CPLANE1: variants seen among roughly 807,000 people sequenced by gnomAD.
CPLANE1 encodes the protein ciliogenesis and planar polarity effector 1.
Under a neutral mutation model 362.5 loss-of-function variants are expected in CPLANE1, and 263 were observed. The observed-to-expected ratio is 0.73, with a 90% CI of 0.66 to 0.80. CPLANE1 has a LOEUF of 0.80. Among genes scored for constraint, CPLANE1 ranks in the 30% least tolerant of loss-of-function variants. The pLI is 0.00. For missense variants in CPLANE1, 3,461 were observed against 3,793.4 expected, an observed-to-expected ratio of 0.91 and a Z score of 2.30; for synonymous variants, 1,212 against 1,302.6, an observed-to-expected ratio of 0.93 and a Z score of 1.50.
rs186479408 is a variant in CPLANE1, at chr5:37,194,207, C to A, written c.3811+1651G>T. ...AAAGTGCTGGGATTACAGGCATGAGCCACCACGCCCAGCCAGAAAGGAAAC... is the reference window on the plus strand; with the variant it reads ...AAAGTGCTGGGATTACAGGCATGAGACACCACGCCCAGCCAGAAAGGAAAC... On this transcript the variant is annotated intron_variant, in intron 21 of 52. Coordinates refer to ENST00000651892, the MANE Select transcript of CPLANE1 (RefSeq NM_001384732.1). Among the ~76,000 whole-genome samples the A allele has an allele frequency of 4.6e-3, 697 of 152,266 alleles. 4 individuals are homozygous for A. The highest frequency in any genetic ancestry group is 4.9e-3 in the Non-Finnish European group (336 of 68,020).
intron 19 of CPLANE1, among the ~76,000 whole-genome samples, chr5:37,200,460 G>A (rs1353942923): frequency 3.3e-5 from 5 of 152,164 alleles, no homozygotes; most frequent in Non-Finnish European, 1.5e-5. Flanking sequence ...AAATGCCATG[G>A]ACTTTTTATT....
At chr5:37,207,685 C>T (rs972880048) in intron 16 of CPLANE1, among the ~76,000 whole-genome samples, 1 of 152,136 alleles carries the variant, frequency 6.6e-6, no homozygotes, top group Non-Finnish European at 1.5e-5. Context: ...TATTTGCTGA[C>T]CACTTGTTGC....
At chr5:37,084,465 G>A in the CPLANE1 span, among the ~76,000 whole-genome samples, 1 of 152,130 alleles carries the variant, frequency 6.6e-6, no homozygotes, top group African/African-American at 2.4e-5. Flanking sequence ...GAATGTAAAT[G>A]GCCTAAATGC....
At chr5:37,100,318 T>C in the CPLANE1 span, among the ~76,000 whole-genome samples, 1 of 152,248 alleles carries the variant, frequency 6.6e-6, no homozygotes, top group Non-Finnish European at 1.5e-5. Flanking sequence ...GTTTCAACTT[T>C]CTGCATATGA....
At chr5:37,235,573 T>C (rs1461777009) in intron 8 of CPLANE1, among the ~76,000 whole-genome samples, 6 of 141,964 alleles carry the variant, frequency 4.2e-5, no homozygotes, top group Non-Finnish European at 9.2e-5. Context: ...ATTTCTTTTT[T>C]TTTTTTTTTT....
At chr5:37,105,228 A>G (rs1353118827), downstream of CPLANE1, among the ~76,000 whole-genome samples, 1 of 152,180 alleles carries the variant, frequency 6.6e-6, no homozygotes, top group Non-Finnish European at 1.5e-5. Context: ...TGAGCCTGGT[A>G]GGTCAAGGCT....
At chr5:37,213,977 AT>A (rs911628797) in intron 15 of CPLANE1, among the ~76,000 whole-genome samples, 1 of 151,980 alleles carries the variant, frequency 6.6e-6, no homozygotes, top group Non-Finnish European at 1.5e-5. Context: ...ATATATACAG[AT>A]TTTTTTTCCA....
intron 15 of CPLANE1, among the ~76,000 whole-genome samples, chr5:37,218,948 CAA>C (rs773096225): frequency 5.9e-5 from 7 of 117,750 alleles, no homozygotes; most frequent in Non-Finnish European, 3.6e-5. Flanking sequence ...AACTCCATCT[CAA>C]AAAAAAAAAA....
chr5:37,092,630 C>T, the CPLANE1 span, among the ~76,000 whole-genome samples: 1 of 152,174 alleles, frequency 6.6e-6, no homozygotes, highest in Non-Finnish European at 1.5e-5. Context: ...GTAGCCATGT[C>T]CCATTCCCCT....
chr5:37,131,865 C>T (rs1765929526), intron 46 of CPLANE1, among the ~76,000 whole-genome samples: 1 of 152,034 alleles, frequency 6.6e-6, no homozygotes, highest in African/African-American at 2.4e-5. Context: ...TGCTACATTG[C>T]CCAGGCTGGT....
intron 14 of CPLANE1, among the ~76,000 whole-genome samples, chr5:37,221,809 G>A (rs1475188561): frequency 6.6e-6 from 1 of 151,818 alleles, no homozygotes; most frequent in Non-Finnish European, 1.5e-5. Context: ...AGCATACTTT[G>A]CTCTTTTTCA....
intron 42 of CPLANE1, among the ~76,000 whole-genome samples, chr5:37,152,183 GT>G (rs531348835): frequency 6.6e-6 from 1 of 150,590 alleles, no homozygotes; most frequent in Non-Finnish European, 1.5e-5. Flanking sequence ...ATTTAACTTT[GT>G]TTTTTTTTAA....
chr5:37,227,113 T>C (rs1796628763), intron 11 of CPLANE1, 40 bp from the exon 12 acceptor site: 8 of 1,513,788 alleles, frequency 5.3e-6, no homozygotes, highest in Middle Eastern at 1.7e-4. Flanking sequence ...TAATACCATT[T>C]AATACCTTAT....
Position 37,106,854 on chromosome 5 carries a change from TA to T in CPLANE1, c.*747del. Reference sequence around the variant, plus strand: ...GATACTGGTTCTTAGTCAATTCTCATAAAAATTATCTCTTAAAACTATGACA... The same window carrying T: ...GATACTGGTTCTTAGTCAATTCTCATAAAATTATCTCTTAAAACTATGACA... On this transcript the variant is annotated 3_prime_UTR_variant, in exon 53 of 53. Transcript: ENST00000651892. The T allele has an allele frequency of 1.0e-6, 1 of 984,520 alleles. No homozygotes were observed. The highest frequency in any genetic ancestry group is 1.2e-6 in the Non-Finnish European group (1 of 829,092). The allele number at this position is 984,520 out of a possible 1,614,324, so 61.0% of individuals were successfully genotyped here. A position where few individuals can be genotyped will look rare whatever the true frequency, so the allele number is the denominator to read the frequency against.
At chr5:37,205,208 A>G (rs1790371382) in intron 18 of CPLANE1, 107 bp downstream of exon 18, 1 of 674,142 alleles carries the variant, frequency 1.5e-6, no homozygotes, top group East Asian at 3.4e-5. Context: ...ATTTTTGATA[A>G]GTTTATTTCA....
intron 38 of CPLANE1, among the ~76,000 whole-genome samples, chr5:37,162,162 C>A (rs1412276060): frequency 6.6e-6 from 1 of 152,176 alleles, no homozygotes; most frequent in Non-Finnish European, 1.5e-5. Context: ...GGCCTCCCAA[C>A]CTTGGGCATG....
rs748583943 is a variant in CPLANE1, at chr5:37,238,834, AAGAC to A, written c.938+19_938+22del. On this transcript the variant is annotated intron_variant, in intron 8 of 52. Coordinates refer to ENST00000651892, the MANE Select transcript of CPLANE1 (RefSeq NM_001384732.1). ...TCTTTTAAAAGAAAAAAAGAAAAAA[AAGAC>A]AGACAAAAGAGTTCTTACCTAATAA... 1.3e-5 allele frequency: 18 copies of A among 1,353,742 alleles called. No individual in the cohort carries two copies. Among genetic ancestry groups the A allele is most frequent in the East Asian group, 5.1e-5 (2 of 39,242 alleles). The allele number at this position is 1,353,742 out of a possible 1,614,324, so 83.9% of individuals were successfully genotyped here. A position where few individuals can be genotyped will look rare whatever the true frequency, so the allele number is the denominator to read the frequency against.
intron 21 of CPLANE1, among the ~76,000 whole-genome samples, chr5:37,190,787 T>A (rs1785316593): frequency 6.6e-6 from 1 of 152,174 alleles, no homozygotes; most frequent in Non-Finnish European, 1.5e-5. Context: ...CATCATGACA[T>A]CATAGTCCAC....
At chr5:37,098,165 G>A in the CPLANE1 span, among the ~76,000 whole-genome samples, 7 of 151,740 alleles carry the variant, frequency 4.6e-5, no homozygotes, top group South Asian at 2.1e-4. Context: ...AGGCCGAGGC[G>A]GGTGGATCAC....
Sources: gnomAD v4.1 joint callset for allele counts (sites outside exome capture counted in the v4.1 genomes callset) on GRCh38, gnomAD v4.1.1 for gene constraint, MANE v1.5 for transcripts, NCBI Gene and HGNC (gene_info 2026-07-23, HGNC 2026-07-21) for gene names.